Variants in SND1 observed in about 807,000 individuals in gnomAD.
The protein encoded by SND1 is staphylococcal nuclease domain-containing protein 1.
A neutral mutation model predicts 121.7 loss-of-function variants in SND1; 38 were observed. The ratio of observed to expected loss-of-function variants is 0.31; its 90% CI spans 0.24 to 0.41. The LOEUF is 0.41. SND1 is among the 10% of genes least tolerant of loss of function. The probability of loss-of-function intolerance (pLI) is 1.00; values close to 1 mark genes in which losing one functional copy is unlikely to be tolerated. For missense variants in SND1, 868 were observed against 1,184.6 expected (o/e 0.73, Z 3.92); for synonymous variants, 401 against 447.4 (o/e 0.90, Z 1.31).
intron 10 of SND1, among the ~76,000 whole-genome samples, chr7:127,799,723 C>T (rs1798094544): frequency 6.6e-6 from 1 of 152,194 alleles, no homozygotes; most frequent in Admixed American, 6.5e-5. Flanking sequence ...GTGAATTTGG[C>T]ACTTGCTCAG....
chr7:127,885,492 G>T (rs1458713191), intron 12 of SND1, among the ~76,000 whole-genome samples: 1 of 152,118 alleles, frequency 6.6e-6, no homozygotes, highest in Admixed American at 6.5e-5. Flanking sequence ...AGTGGGCAGG[G>T]TGTGGAGTGA....
chr7:127,971,664 T>A (rs1379844359), intron 15 of SND1, among the ~76,000 whole-genome samples: 1 of 152,184 alleles, frequency 6.6e-6, no homozygotes, highest in Admixed American at 6.5e-5. Context: ...TAAGGTAAGT[T>A]ATCAGAAGCA....
At chr7:127,705,839 T>C (rs937548023) in intron 8 of SND1, among the ~76,000 whole-genome samples, 1 of 152,190 alleles carries the variant, frequency 6.6e-6, no homozygotes, top group African/African-American at 2.4e-5. Context: ...GTTATAATGG[T>C]CTTGATAACT....
chr7:128,007,050 G>A (rs1017716179), intron 16 of SND1, among the ~76,000 whole-genome samples: 2 of 150,050 alleles, frequency 1.3e-5, no homozygotes, highest in East Asian at 3.9e-4. Context: ...CAGTGTTGCT[G>A]TGTCAGGTAG....
At chr7:128,002,389 T>C (rs1285037071) in intron 16 of SND1, among the ~76,000 whole-genome samples, 9 of 152,230 alleles carry the variant, frequency 5.9e-5, no homozygotes, top group Non-Finnish European at 1.0e-4. Flanking sequence ...ATAAGGTCTC[T>C]TTGTCTCTGA....
intron 5 of SND1, among the ~76,000 whole-genome samples, chr7:127,701,702 C>T (rs1796107149): frequency 6.6e-6 from 1 of 152,118 alleles, no homozygotes; most frequent in East Asian, 1.9e-4. Flanking sequence ...GAGATTGGTT[C>T]CAGGACCCTA....
chr7:127,699,569 A>G (rs1796067349), intron 4 of SND1, among the ~76,000 whole-genome samples: 1 of 152,196 alleles, frequency 6.6e-6, no homozygotes, highest in Non-Finnish European at 1.5e-5. Context: ...TAGTTGCTTA[A>G]TAGGTAAAAT....
rs761075143 is a variant in SND1, at chr7:128,081,323, C to T, written c.1969-37C>T. The T allele has an allele frequency of 3.7e-6, 6 of 1,612,458 alleles. No individual in the cohort carries two copies. In the Admixed American group the frequency reaches 6.7e-5, roughly 18 times the overall value. ...CCAGTGTCTTTTATGACTTCACTTC[C>T]TCGCCCTCTTCTCACCTCTGCCGAC... On this transcript the variant is annotated intron_variant, in intron 17 of 23. Coordinates refer to ENST00000354725, the MANE Select transcript of SND1 (RefSeq NM_014390.4).
At chr7:128,048,265 CTTTTTTT>C (rs572752218) in intron 16 of SND1, among the ~76,000 whole-genome samples, 1 of 138,732 alleles carries the variant, frequency 7.2e-6, no homozygotes, top group African/African-American at 2.6e-5. Flanking sequence ...GATTTTTTTT[CTTTTTTT>C]TTTTTTTTTC....
intron 12 of SND1, among the ~76,000 whole-genome samples, chr7:127,845,357 G>T (rs1001414152): frequency 7.9e-5 from 12 of 152,202 alleles, no homozygotes; most frequent in Admixed American, 5.2e-4. Flanking sequence ...CACTGCTACC[G>T]ATCCTATATT....
chr7:127,911,584 C>G (rs1197752203), intron 14 of SND1, among the ~76,000 whole-genome samples: 1 of 152,072 alleles, frequency 6.6e-6, no homozygotes, highest in African/African-American at 2.4e-5. Context: ...TGCAGTGGCG[C>G]CATCTCAGCT....
chr7:127,981,540 C>A (rs971078809), intron 15 of SND1, among the ~76,000 whole-genome samples: 1 of 151,404 alleles, frequency 6.6e-6, no homozygotes, highest in Non-Finnish European at 1.5e-5. Flanking sequence ...TTTTTTTTCT[C>A]CCCTTAAAAA....
intron 10 of SND1, among the ~76,000 whole-genome samples, chr7:127,772,967 G>GTGA (rs1797543498): frequency 6.6e-6 from 1 of 152,136 alleles, no homozygotes; most frequent in Non-Finnish European, 1.5e-5. Context: ...GACAATTTGG[G>GTGA]TGATGGTCAC....
At chr7:128,076,787 G>A (rs1793513729) in intron 17 of SND1, among the ~76,000 whole-genome samples, 2 of 152,310 alleles carry the variant, frequency 1.3e-5, no homozygotes, top group African/African-American at 4.8e-5. Flanking sequence ...AAGGCTTTAG[G>A]GAGTGTGATT....
chr7:127,877,053 T>G (rs1353760087), intron 12 of SND1, among the ~76,000 whole-genome samples: 1 of 152,150 alleles, frequency 6.6e-6, no homozygotes, highest in Non-Finnish European at 1.5e-5. Context: ...TCCCTAGATA[T>G]TTTGCTGACA....
rs116237524 is a variant in SND1, at chr7:128,041,430, G to A, written c.1780-33072G>A. Reference sequence around the variant, plus strand: ...TAACATCCAGGTTCCTGGATGCTGCGTTCCTTTTTTATTATGACTTGAGCT... The same window carrying A: ...TAACATCCAGGTTCCTGGATGCTGCATTCCTTTTTTATTATGACTTGAGCT... On this transcript the variant is annotated intron_variant, in intron 16 of 23. Transcript: ENST00000354725. 2.2e-3 allele frequency among the ~76,000 whole-genome samples: 330 copies of A among 152,200 alleles called. 2 individuals carry two copies. The highest frequency in any genetic ancestry group is 7.1e-3 in the African/African-American group (294 of 41,538).
At chr7:127,789,975 T>G (rs989950938) in intron 10 of SND1, among the ~76,000 whole-genome samples, 1 of 152,186 alleles carries the variant, frequency 6.6e-6, no homozygotes, top group Admixed American at 6.5e-5. Flanking sequence ...CCTCCTATCT[T>G]TAGAAGTATA....
At chr7:127,844,650 C>T (rs1799024466) in intron 12 of SND1, among the ~76,000 whole-genome samples, 1 of 152,114 alleles carries the variant, frequency 6.6e-6, no homozygotes, top group African/African-American at 2.4e-5. Flanking sequence ...ATTTATTGGG[C>T]TCTGTGTGCC....
chr7:127,878,668 G>T (rs1201937842), intron 12 of SND1, among the ~76,000 whole-genome samples: 3 of 152,078 alleles, frequency 2.0e-5, no homozygotes, highest in Non-Finnish European at 4.4e-5. Context: ...TCCTCTGGTG[G>T]TTTTCTTGGT....
Sources: gnomAD v4.1 joint callset for allele counts (sites outside exome capture counted in the v4.1 genomes callset) on GRCh38, gnomAD v4.1.1 for gene constraint, MANE v1.5 for transcripts, NCBI Gene and HGNC (gene_info 2026-07-23, HGNC 2026-07-21) for gene names.